The following ARHGAP17 variants were observed in gnomAD, a reference collection of about 807,000 sequenced individuals.
ARHGAP17 encodes the protein rho GTPase-activating protein 17.
A neutral mutation model predicts 99.5 loss-of-function variants in ARHGAP17; 57 were observed. That is an observed-to-expected ratio of 0.57 (90% confidence interval 0.46 to 0.71). The LOEUF is 0.71. Among genes scored for constraint, ARHGAP17 ranks in the 30% least tolerant of loss-of-function variants. ARHGAP17 has a pLI of 0.00. For missense variants in ARHGAP17, 1,000 were observed against 1,122.4 expected, an observed-to-expected ratio of 0.89 and a Z score of 1.56; for synonymous variants, 417 against 429.6, an observed-to-expected ratio of 0.97 and a Z score of 0.36.
intron 9 of ARHGAP17, among the ~76,000 whole-genome samples, chr16:24,959,466 A>C (rs2141265975): frequency 6.6e-6 from 1 of 152,322 alleles, no homozygotes. Context: ...AAGAACTACA[A>C]ATGTTCCATT....
chr16:24,923,366 C>A (rs768044922), intron 19 of ARHGAP17, among the ~76,000 whole-genome samples: 20 of 152,148 alleles, frequency 1.3e-4, no homozygotes, highest in Non-Finnish European at 2.6e-4. Context: ...TGAAACACCT[C>A]TAAATCTTTC....
chr16:24,968,277 T>C, intron 6 of ARHGAP17, 74 bp downstream of exon 6: 1 of 1,530,510 alleles, frequency 6.5e-7, no homozygotes, highest in East Asian at 2.3e-5. Context: ...ACTTCCATTG[T>C]GTCCACTGTC....
At chr16:24,954,874 T>C (rs1567228074) in intron 9 of ARHGAP17, 144 bp from the exon 10 acceptor site, 3 of 1,212,502 alleles carry the variant, frequency 2.5e-6, no homozygotes, top group Non-Finnish European at 3.4e-6. Flanking sequence ...TATTTGCTTT[T>C]GTTATTTGCC....
intron 10 of ARHGAP17, 106 bp from the exon 11 acceptor site, chr16:24,953,148 T>C: frequency 9.9e-7 from 1 of 1,012,768 alleles, no homozygotes; most frequent in Non-Finnish European, 1.5e-6. Context: ...ACCTCCTGTC[T>C]ATGAAAGCAG....
chr16:24,924,456 T>TC (rs397704015), intron 19 of ARHGAP17, among the ~76,000 whole-genome samples: 7,424 of 150,586 alleles, frequency 0.049, 272 homozygotes, highest in Middle Eastern at 0.12. Context: ...TTTTTTTTTT[T>TC]AAATAAAATA....
rs771397194 is a variant in ARHGAP17, at chr16:24,970,556, C to A, written c.223G>T (p.Ala75Ser). The A allele has an allele frequency of 9.9e-6, 16 of 1,614,082 alleles. No homozygotes were observed. Among genetic ancestry groups the A allele is most frequent in the Admixed American group, 8.3e-5 (5 of 60,008 alleles). Reference sequence around the variant, plus strand: ...GTCGATGCTTCTTGCATATTTTGAGCAAGAGCTGTCAGAGGCAGTTTTTTC... The same window carrying A: ...GTCGATGCTTCTTGCATATTTTGAGAAAGAGCTGTCAGAGGCAGTTTTTTC... ...RHKKLPLTAL[A>S]QNMQEASTQL... The change falls in exon 4 of 20, where the codon GCT becomes TCT. Residue 75 changes from alanine to serine, a missense_variant. Coordinates refer to ENST00000289968, the MANE Select transcript of ARHGAP17 (RefSeq NM_001006634.3).
intron 19 of ARHGAP17, 174 bp downstream of exon 19, chr16:24,930,610 G>T: frequency 9.3e-7 from 1 of 1,077,288 alleles, no homozygotes; most frequent in Non-Finnish European, 1.4e-6. Context: ...ACAAATGGGT[G>T]TAGCTGTGTT....
chr16:24,933,835 C>T (rs541505307), intron 18 of ARHGAP17, among the ~76,000 whole-genome samples: 28 of 152,172 alleles, frequency 1.8e-4, no homozygotes, highest in African/African-American at 6.7e-4. Context: ...TCAAACCCAT[C>T]CTGCGAAGAA....
intron 1 of ARHGAP17, among the ~76,000 whole-genome samples, chr16:24,979,835 C>T (rs1004648774): frequency 2.0e-5 from 3 of 152,056 alleles, no homozygotes; most frequent in African/African-American, 7.2e-5. Flanking sequence ...CTTAGCCTCC[C>T]GAGTAGCTGG....
In ARHGAP17 at chr16:24,920,175, G is replaced by A; in HGVS notation, c.2601C>T (p.Arg867=). ...TATCATTGTCTATATCCAGCAGGAT[G>A]CGGCCAGGCACGTCTTTGCTGGCTG... ...SDSASKDVPG[R]ILLDIDNDTE... The change falls in exon 20 of 20, where the codon CGC becomes CGT. Residue 867 remains arginine, a synonymous_variant. Coordinates refer to ENST00000289968, the MANE Select transcript of ARHGAP17 (RefSeq NM_001006634.3). 6.2e-7 allele frequency: 1 copy of A among 1,614,186 alleles called. No individual in the cohort carries two copies. The highest frequency in any genetic ancestry group is 8.5e-7 in the Non-Finnish European group (1 of 1,180,024).
At chr16:24,927,762 G>C in intron 19 of ARHGAP17, 2 of 1,015,532 alleles carry the variant, frequency 2.0e-6, no homozygotes, top group South Asian at 3.1e-5. Flanking sequence ...GTTTAAATTA[G>C]AATACTCTTT....
In ARHGAP17 at chr16:24,939,446, T is replaced by C. The variant is rs1253745769; in HGVS notation, c.1642A>G (p.Arg548Gly). The change falls in exon 17 of 20, where the codon AGG becomes GGG. Residue 548 changes from arginine (R) to glycine (G), a missense_variant. Around this residue, in one of 2 missense-constraint regions of ARHGAP17, gnomAD observed 528 missense variants for 511.4 expected, o/e 1.03. Transcript: ENST00000289968. ...CCACCCCCAGAGCTGCTTTCAGCCC[T>C]AGAGCTCTGGGGAGGGGGCTCTGGG... ...AGPEPPPQSSRAESSSGGGTV... is the reference protein window; with the variant it reads ...AGPEPPPQSSGAESSSGGGTV... 2 of 1,612,010 alleles carry C rather than the reference T, an allele frequency of 1.2e-6. No homozygotes were observed. Among genetic ancestry groups the C allele is most frequent in the Non-Finnish European group, 1.7e-6 (2 of 1,179,618 alleles).
At chr16:24,963,673 A>G (rs1459710668) in intron 7 of ARHGAP17, among the ~76,000 whole-genome samples, 1 of 152,224 alleles carries the variant, frequency 6.6e-6, no homozygotes, top group Non-Finnish European at 1.5e-5. Context: ...TCTGTAATTT[A>G]TGAGATAAAA....
chr16:24,987,567 C>T (rs2052910139), intron 1 of ARHGAP17, among the ~76,000 whole-genome samples: 1 of 152,194 alleles, frequency 6.6e-6, no homozygotes, highest in Admixed American at 6.5e-5. Context: ...ATCCTTTCAG[C>T]CATTCTGGGG....
chr16:24,992,812 T>C lies in ARHGAP17; in HGVS notation c.54-13807A>G, dbSNP rs184412532. ...TCAAAAAAGTTTCTGTTACCGTTTA[T>C]TTATTTTTTAGAGATGGGGTCTGTC... On this transcript the variant is annotated intron_variant, in intron 1 of 19. Coordinates refer to ENST00000289968, the MANE Select transcript of ARHGAP17 (RefSeq NM_001006634.3). Among the ~76,000 whole-genome samples, 596 of 152,322 alleles carry C rather than the reference T, an allele frequency of 3.9e-3. 2 individuals are homozygous for C. Among genetic ancestry groups the C allele is most frequent in the Non-Finnish European group, 7.3e-3 (496 of 68,028 alleles).
chr16:24,955,594 T>C lies in ARHGAP17; in HGVS notation c.725-864A>G, dbSNP rs865793270. 3.3e-5 allele frequency: 5 copies of C among 152,358 alleles called. No homozygotes were observed. The highest frequency in any genetic ancestry group is 9.6e-5 in the African/African-American group (4 of 41,586). 9.4% of individuals were successfully genotyped at this position (152,358 alleles called of 1,614,324 possible). ...GCAGAAGCAAAGGAGGGCAAACCAG[T>C]TGTGAAAACTGCTCCAGGGAGAAAC... On this transcript the variant is annotated intron_variant, in intron 9 of 19. Transcript: ENST00000289968. The surrounding 1 kb of genome is among the most constrained non-coding windows in gnomAD (Gnocchi z 4.0).
At chr16:24,989,389 A>G (rs1183915512) in intron 1 of ARHGAP17, among the ~76,000 whole-genome samples, 2 of 152,210 alleles carry the variant, frequency 1.3e-5, no homozygotes, top group East Asian at 3.8e-4. Flanking sequence ...GCAGGGGCCT[A>G]TTGAGTTTTC....
chr16:24,939,287 G>T, intron 17 of ARHGAP17, 77 bp downstream of exon 17: 1 of 1,328,202 alleles, frequency 7.5e-7, no homozygotes, highest in Non-Finnish European at 1.0e-6. Flanking sequence ...GGGCATGGAT[G>T]CCGTGCTCAA....
At chr16:25,009,186 C>T (rs2053580496) in intron 1 of ARHGAP17, among the ~76,000 whole-genome samples, 1 of 151,972 alleles carries the variant, frequency 6.6e-6, no homozygotes, top group South Asian at 2.1e-4. Context: ...GCCAACATGG[C>T]AAAACTCCAT....
Sources: gnomAD v4.1 joint callset for allele counts (sites outside exome capture counted in the v4.1 genomes callset) on GRCh38, gnomAD v4.1.1 for gene constraint, gnomAD v4.1.1 regional missense constraint, Gnocchi (gnomAD v3.1) non-coding constraint, MANE v1.5 for transcripts, NCBI Gene and HGNC (gene_info 2026-07-23, HGNC 2026-07-21) for gene names.